PCNX2: variants seen among roughly 807,000 people sequenced by gnomAD.
PCNX2 encodes pecanex-like protein 2.
In PCNX2, 168 loss-of-function variants were observed where a neutral mutation model predicts 223.8. The observed-to-expected ratio is 0.75, with a 90% confidence interval of 0.66 to 0.85. PCNX2 has a LOEUF of 0.85. PCNX2 is among the 40% of genes least tolerant of loss of function. PCNX2 has a pLI of 0.00. For missense variants in PCNX2, 2,507 were observed against 2,675.5 expected (o/e 0.94, Z 1.39); for synonymous variants, 1,006 against 1,052.6 (o/e 0.96, Z 0.86).
intron 19 of PCNX2, among the ~76,000 whole-genome samples, chr1:233,146,629 C>T (rs1677463817): frequency 6.6e-6 from 1 of 152,122 alleles, no homozygotes; most frequent in African/African-American, 2.4e-5. Flanking sequence ...GTCACCAATT[C>T]AGAGAGACAT....
At chr1:233,163,869 G>A (rs1678642851) in intron 17 of PCNX2, among the ~76,000 whole-genome samples, 1 of 152,104 alleles carries the variant, frequency 6.6e-6, no homozygotes, top group African/African-American at 2.4e-5. Context: ...TGTGTCAACA[G>A]TTCATTCCTT....
intron 9 of PCNX2, among the ~76,000 whole-genome samples, chr1:233,233,884 G>A (rs953397725): frequency 6.6e-6 from 1 of 151,896 alleles, no homozygotes; most frequent in Admixed American, 6.6e-5. Context: ...GGCCCCTTTG[G>A]CCAGGTCGTT....
At chr1:233,270,819 G>C (rs1660603249) in intron 1 of PCNX2, among the ~76,000 whole-genome samples, 1 of 152,092 alleles carries the variant, frequency 6.6e-6, no homozygotes. Flanking sequence ...TGGACCGTTA[G>C]GATGGTGCTA....
chr1:233,208,661 C>T lies in PCNX2; in HGVS notation c.2720G>A (p.Arg907Lys), dbSNP rs779036700. 1 of 1,613,654 alleles carries T rather than the reference C, an allele frequency of 6.2e-7. No individual in the cohort carries two copies. Among genetic ancestry groups the T allele is most frequent in the South Asian group, 1.1e-5 (1 of 91,052 alleles). Reference sequence around the variant, plus strand: ...ACACAGCACACAAAAATAGATTGGTCTGCTATATGTTATGATTTGGTTGTG... The same window carrying T: ...ACACAGCACACAAAAATAGATTGGTTTGCTATATGTTATGATTTGGTTGTG... ...HGHNQIITYS[R>K]PIYFCVLCGL... The change falls in exon 13 of 34, where the codon AGA (arginine) becomes AAA (lysine). Residue 907 changes from arginine to lysine, a missense_variant. Physicochemically the swap from Arg to Lys is conservative, Grantham distance 26 (BLOSUM62 2). This residue lies in a region of PCNX2 where 104 missense variants were observed against 144.4 expected (regional missense o/e 0.72). Transcript: ENST00000258229.
intron 19 of PCNX2, among the ~76,000 whole-genome samples, chr1:233,145,209 G>A (rs147302083): frequency 5.5e-4 from 83 of 152,024 alleles, no homozygotes; most frequent in Middle Eastern, 3.4e-3. Context: ...CTTGTGATTC[G>A]CCTGCTTCGG....
intron 23 of PCNX2, among the ~76,000 whole-genome samples, chr1:233,082,752 T>C (rs903542382): frequency 6.6e-6 from 1 of 152,234 alleles, no homozygotes. Context: ...TTCAGCAATA[T>C]TCATTTGGAA....
At chr1:233,167,868 C>T (rs1678893250) in intron 17 of PCNX2, 1 of 899,928 alleles carries the variant, frequency 1.1e-6, no homozygotes, top group African/African-American at 1.8e-5. Flanking sequence ...ATATACCTTT[C>T]CACCTTCTAT....
the PCNX2 span, among the ~76,000 whole-genome samples, chr1:233,306,621 G>T: frequency 6.6e-6 from 1 of 152,218 alleles, no homozygotes; most frequent in Non-Finnish European, 1.5e-5. Flanking sequence ...TGGCTGAATT[G>T]TATGGCATGT....
chr1:233,099,818 A>T (rs981232988), intron 21 of PCNX2, among the ~76,000 whole-genome samples: 1 of 152,204 alleles, frequency 6.6e-6, no homozygotes, highest in Non-Finnish European at 1.5e-5. Context: ...TTAAGATAAG[A>T]CTTAATGGAA....
At position 233,295,719 on chromosome 1, in the gene PCNX2, G is replaced by A. The variant is rs1398913075; in HGVS notation, c.-241C>T. 15 of 386,682 alleles carry A rather than the reference G, an allele frequency of 3.9e-5. No homozygotes were observed. In the East Asian group the frequency reaches 6.1e-4, roughly 16 times the overall value. The allele number at this position is 386,682 out of a possible 1,614,324, so 24.0% of individuals were successfully genotyped here. ...GGCCGGGCAGGTGAGCGCCATGTCC[G>A]AGGGAGGAAGGATTTTCCCATCGTG... is the stretch of plus-strand genomic sequence containing the variant. On this transcript the variant is annotated 5_prime_UTR_variant, in exon 1 of 34. Coordinates refer to ENST00000258229, the MANE Select transcript of PCNX2 (RefSeq NM_014801.4). The surrounding 1 kb of genome is among the most constrained non-coding windows in gnomAD (Gnocchi z 4.1).
At chr1:233,150,327 A>G (rs1025571036) in intron 19 of PCNX2, among the ~76,000 whole-genome samples, 2 of 152,198 alleles carry the variant, frequency 1.3e-5, no homozygotes, top group African/African-American at 4.8e-5. Flanking sequence ...TTCTCAGAAT[A>G]TCTACTCTCC....
rs766654174 is a variant in PCNX2 at position 232,986,444 on chromosome 1, C to T, written c.5888G>A (p.Arg1963His). Residue 1963 changes from arginine to histidine, a missense_variant, in exon 33 of 34, where the codon CGC becomes CAC. Arg to His is a conservative substitution (Grantham distance 29, BLOSUM62 0). Coordinates refer to ENST00000258229, the MANE Select transcript of PCNX2 (RefSeq NM_014801.4). ...GGTGGACGTCTGGAGGAATGTTTGGCGGCTCTCTAAGATGGGGCCAGATGA... is the reference window on the plus strand; with the variant it reads ...GGTGGACGTCTGGAGGAATGTTTGGTGGCTCTCTAAGATGGGGCCAGATGA... ...LSSSGPILESRQTFLQTSTSV... is the reference protein window; with the variant it reads ...LSSSGPILESHQTFLQTSTSV... The T allele has an allele frequency of 4.2e-5, 67 of 1,606,566 alleles. No homozygotes were observed. Among genetic ancestry groups the T allele is most frequent in the Non-Finnish European group, 5.4e-5 (63 of 1,176,592 alleles).
intron 21 of PCNX2, among the ~76,000 whole-genome samples, chr1:233,128,778 C>T (rs1025225871): frequency 6.6e-6 from 1 of 152,152 alleles, no homozygotes; most frequent in Non-Finnish European, 1.5e-5. Flanking sequence ...ACCCAGACAA[C>T]CAGAAATGTC....
At chr1:233,099,320 C>A (rs1468745862) in intron 21 of PCNX2, among the ~76,000 whole-genome samples, 1 of 152,190 alleles carries the variant, frequency 6.6e-6, no homozygotes, top group African/African-American at 2.4e-5. Context: ...GCATGAACAT[C>A]ACACACTATA....
chr1:233,205,693 C>CAA (rs912049157), intron 13 of PCNX2, among the ~76,000 whole-genome samples: 1 of 138,894 alleles, frequency 7.2e-6, no homozygotes. Flanking sequence ...GATCCCATCT[C>CAA]AAAAAAAAAA....
At chr1:233,011,375 AAAG>A (rs1157458161) in intron 28 of PCNX2, among the ~76,000 whole-genome samples, 2 of 152,174 alleles carry the variant, frequency 1.3e-5, no homozygotes, top group Non-Finnish European at 2.9e-5. Flanking sequence ...CAAGCTAGGA[AAAG>A]AAGAAAACTC....
intron 17 of PCNX2, among the ~76,000 whole-genome samples, chr1:233,169,505 CA>C (rs1679017094): frequency 6.6e-6 from 1 of 151,314 alleles, no homozygotes; most frequent in Non-Finnish European, 1.5e-5. Context: ...ATTAGCCGGG[CA>C]TGGTGGCGCG....
chr1:233,288,348 T>C (rs1661561092), intron 1 of PCNX2, among the ~76,000 whole-genome samples: 2 of 151,942 alleles, frequency 1.3e-5, no homozygotes, highest in African/African-American at 4.8e-5. Flanking sequence ...ATACAGCCAA[T>C]CACTAATGGG....
chr1:232,996,065 T>C (rs1266852856), intron 32 of PCNX2, among the ~76,000 whole-genome samples: 1 of 152,192 alleles, frequency 6.6e-6, no homozygotes, highest in African/African-American at 2.4e-5. Flanking sequence ...TTTCACCATG[T>C]TGGCCAGGCT....
Sources: allele counts gnomAD v4.1 joint callset (sites outside exome capture counted in the v4.1 genomes callset), GRCh38; gene constraint gnomAD v4.1.1; regional missense constraint gnomAD v4.1.1; non-coding constraint Gnocchi (gnomAD v3.1); transcripts MANE v1.5; gene names NCBI Gene and HGNC (gene_info 2026-07-23, HGNC 2026-07-21).